HHAT: variants seen among roughly 807,000 people sequenced by gnomAD.
The protein encoded by HHAT is hedgehog acyltransferase.
A neutral mutation model predicts 70.8 loss-of-function variants in HHAT; 47 were observed. That is an observed-to-expected ratio of 0.66 (90% CI 0.53 to 0.85). HHAT has a LOEUF of 0.85. Among genes scored for constraint, HHAT ranks in the 40% least tolerant of loss-of-function variants. The probability of loss-of-function intolerance (pLI) is 0.00; values close to 1 mark genes in which losing one functional copy is unlikely to be tolerated. For missense variants in HHAT, 609 were observed against 604.8 expected, an observed-to-expected ratio of 1.01 and a Z score of -0.07; for synonymous variants, 228 against 247.6, an observed-to-expected ratio of 0.92 and a Z score of 0.74.
At chr1:210,459,498 G>A (rs2093936691) in intron 7 of HHAT, among the ~76,000 whole-genome samples, 1 of 152,154 alleles carries the variant, frequency 6.6e-6, no homozygotes. Flanking sequence ...TACAACTGTG[G>A]TCTGATAGGA....
intron 3 of HHAT, among the ~76,000 whole-genome samples, chr1:210,378,804 T>C (rs2090421033): frequency 6.6e-6 from 1 of 152,234 alleles, no homozygotes; most frequent in Non-Finnish European, 1.5e-5. Context: ...AGCTGGTGTT[T>C]TCTTCCATTT....
In HHAT at chr1:210,329,567, A is replaced by T. The variant is rs568834326; in HGVS notation, c.-44+463A>T. 104 of 840,216 alleles carry T rather than the reference A, an allele frequency of 1.2e-4. 1 individual carries two copies. The highest frequency in any genetic ancestry group is 1.2e-3 in the Middle Eastern group (2 of 1,686). 52.0% of individuals were successfully genotyped at this position (840,216 alleles called of 1,614,324 possible). On this transcript the variant is annotated intron_variant, in intron 1 of 11. Coordinates refer to ENST00000261458, the MANE Select transcript of HHAT (RefSeq NM_018194.6). ...TCTAACCTTCAGGTGGCAGGTCTTT[A>T]TGCGGAAAAACCCTCCCGCTAATCC...
intron 11 of HHAT, among the ~76,000 whole-genome samples, chr1:210,657,862 C>A (rs753549710): frequency 9.9e-5 from 15 of 152,126 alleles, no homozygotes; most frequent in Non-Finnish European, 1.8e-4. Context: ...GTAGAGGATG[C>A]CTAGACTGTG....
intron 4 of HHAT, among the ~76,000 whole-genome samples, chr1:210,399,079 T>G (rs1409728041): frequency 6.6e-6 from 1 of 152,236 alleles, no homozygotes; most frequent in Non-Finnish European, 1.5e-5. Flanking sequence ...AAAAAAGTCT[T>G]TGTTTCCACA....
chr1:210,484,988 G>A (rs1271114000), intron 8 of HHAT, among the ~76,000 whole-genome samples: 2 of 152,044 alleles, frequency 1.3e-5, no homozygotes, highest in Admixed American at 6.6e-5. Flanking sequence ...GTCATTGCTG[G>A]CTATGTGCAG....
chr1:210,667,716 C>A (rs1679217194), intron 11 of HHAT, among the ~76,000 whole-genome samples: 1 of 143,448 alleles, frequency 7.0e-6, no homozygotes, highest in Non-Finnish European at 1.5e-5. Flanking sequence ...CCCAGGCAAC[C>A]CCCGATATGC....
intron 9 of HHAT, among the ~76,000 whole-genome samples, chr1:210,561,758 C>T (rs2095624510): frequency 6.6e-6 from 1 of 152,152 alleles, no homozygotes; most frequent in African/African-American, 2.4e-5. Flanking sequence ...ATATTTGTTG[C>T]CTCCACGTAC....
chr1:210,510,794 A>T (rs533619425), intron 8 of HHAT, among the ~76,000 whole-genome samples: 1 of 152,196 alleles, frequency 6.6e-6, no homozygotes, highest in South Asian at 2.1e-4. Context: ...AATAAATATA[A>T]TTTCTCATTA....
At chr1:210,588,352 C>T in intron 10 of HHAT, 1 of 398,054 alleles carries the variant, frequency 2.5e-6, no homozygotes, top group Non-Finnish European at 4.5e-6. Flanking sequence ...AACATTTAAA[C>T]AAGAAAATAA....
intron 11 of HHAT, among the ~76,000 whole-genome samples, chr1:210,655,755 C>T (rs777786651): frequency 1.3e-5 from 2 of 152,214 alleles, no homozygotes. Context: ...TTTCCTCTGA[C>T]GTTTCCACAG....
At chr1:210,448,695 A>G (rs1264713297) in intron 7 of HHAT, among the ~76,000 whole-genome samples, 1 of 152,162 alleles carries the variant, frequency 6.6e-6, no homozygotes, top group Non-Finnish European at 1.5e-5. Context: ...ACTGTTTTTC[A>G]TTAAATTTTC....
intron 2 of HHAT, among the ~76,000 whole-genome samples, chr1:210,350,359 G>A (rs1285335915): frequency 6.6e-6 from 1 of 152,216 alleles, no homozygotes; most frequent in Non-Finnish European, 1.5e-5. Flanking sequence ...TATAGATTAA[G>A]TTGGGAAGAA....
In HHAT at chr1:210,587,986, TG is replaced by T. The variant is rs1227123711; in HGVS notation, c.1134del (p.Trp378CysfsTer62). 8 of 1,614,054 alleles carry T rather than the reference TG, an allele frequency of 5.0e-6. No homozygotes were observed. Among genetic ancestry groups the T allele is most frequent in the Non-Finnish European group, 6.8e-6 (8 of 1,180,028 alleles). ...GATGACATTTGCATTTGTGAGCTAC[TG>T]GCATGGCGGCTACGACTACCTCTGG... ...TAMTFAFVSYWHGGYDYLWCW... is the reference protein window; with the variant it reads ...TAMTFAFVSYXHGGYDYLWCW... On this transcript the variant is annotated frameshift_variant, in exon 10 of 12. Coordinates refer to ENST00000261458, the MANE Select transcript of HHAT (RefSeq NM_018194.6). LOFTEE classifies it high-confidence loss of function.
intron 3 of HHAT, among the ~76,000 whole-genome samples, chr1:210,364,979 T>G (rs1037851966): frequency 6.6e-6 from 1 of 152,098 alleles, no homozygotes; most frequent in Admixed American, 6.5e-5. Flanking sequence ...CCTCTCATCT[T>G]CTCATCTCTC....
intron 9 of HHAT, among the ~76,000 whole-genome samples, chr1:210,544,417 A>G (rs2095464408): frequency 7.5e-6 from 1 of 132,990 alleles, no homozygotes; most frequent in East Asian, 2.2e-4. Flanking sequence ...TTGTTGCCCA[A>G]GCGGGAGTGC....
At chr1:210,485,310 C>A (rs1455768054) in intron 8 of HHAT, among the ~76,000 whole-genome samples, 1 of 152,192 alleles carries the variant, frequency 6.6e-6, no homozygotes, top group Admixed American at 6.5e-5. Flanking sequence ...CACTCTGAGG[C>A]AAGTCCTCCT....
At chr1:210,639,569 G>A (rs1174191270) in intron 11 of HHAT, among the ~76,000 whole-genome samples, 2 of 152,182 alleles carry the variant, frequency 1.3e-5, no homozygotes, top group Non-Finnish European at 2.9e-5. Context: ...TCCTCAAAAT[G>A]GTGTGCAGAA....
chr1:210,544,784 C>T (rs1379583111), intron 9 of HHAT, among the ~76,000 whole-genome samples: 5 of 152,144 alleles, frequency 3.3e-5, no homozygotes, highest in Non-Finnish European at 5.9e-5. Context: ...CATGCATGAT[C>T]TTTCCTCAAT....
chr1:210,626,649 G>GA (rs1558305117), intron 11 of HHAT, among the ~76,000 whole-genome samples: 1 of 152,118 alleles, frequency 6.6e-6, no homozygotes, highest in Non-Finnish European at 1.5e-5. Flanking sequence ...AAGTGAACCA[G>GA]ATGGTGCCCA....
Sources: gnomAD v4.1 joint callset for allele counts (sites outside exome capture counted in the v4.1 genomes callset) on GRCh38, gnomAD v4.1.1 for gene constraint, MANE v1.5 for transcripts, NCBI Gene and HGNC (gene_info 2026-07-23, HGNC 2026-07-21) for gene names.